The following EXOC2 variants were observed in gnomAD, a reference collection of about 807,000 sequenced individuals.
EXOC2 encodes the protein exocyst complex component 2.
Under a neutral mutation model 131.8 loss-of-function variants are expected in EXOC2, and 70 were observed. The ratio of observed to expected loss-of-function variants is 0.53; its 90% CI spans 0.44 to 0.65. EXOC2 has a LOEUF of 0.65. Ranked by LOEUF, EXOC2 falls within the 30% of genes least tolerant of loss-of-function variation. EXOC2 has a pLI of 0.00. For missense variants in EXOC2, 923 were observed against 1,108.6 expected (o/e 0.83, Z 2.38); for synonymous variants, 411 against 398.4 (o/e 1.03, Z -0.38).
intron 22 of EXOC2, among the ~76,000 whole-genome samples, chr6:547,728 C>A (rs975149160): frequency 6.6e-6 from 1 of 151,878 alleles, no homozygotes; most frequent in Admixed American, 6.6e-5. Flanking sequence ...ATATTCAAGA[C>A]GGTCGATGAA....
At chr6:608,944 G>A (rs1760574864) in intron 7 of EXOC2, among the ~76,000 whole-genome samples, 1 of 152,170 alleles carries the variant, frequency 6.6e-6, no homozygotes, top group Non-Finnish European at 1.5e-5. Flanking sequence ...AAGTGTTTGA[G>A]TTAAATTCAG....
At chr6:660,018 G>A (rs948712717) in intron 1 of EXOC2, among the ~76,000 whole-genome samples, 10 of 151,954 alleles carry the variant, frequency 6.6e-5, no homozygotes, top group Admixed American at 1.3e-4. Flanking sequence ...CGGGGGGCAC[G>A]GTGGTTGTGA....
At chr6:629,102 C>T (rs1001435124) in intron 4 of EXOC2, among the ~76,000 whole-genome samples, 2 of 152,134 alleles carry the variant, frequency 1.3e-5, no homozygotes, top group Admixed American at 6.5e-5. Context: ...GAATTTTCCC[C>T]ATTCCTAGAA....
At chr6:583,721 C>A (rs934208410) in intron 11 of EXOC2, among the ~76,000 whole-genome samples, 3 of 152,166 alleles carry the variant, frequency 2.0e-5, no homozygotes, top group Non-Finnish European at 4.4e-5. Flanking sequence ...TAAATAAAAC[C>A]CCACTAAGCA....
At chr6:511,069 A>G (rs376783199) in intron 23 of EXOC2, among the ~76,000 whole-genome samples, 49 of 152,364 alleles carry the variant, frequency 3.2e-4, no homozygotes, top group Middle Eastern at 3.4e-3. Flanking sequence ...CTATGAGAGA[A>G]GCAGGTCTGG....
intron 1 of EXOC2, among the ~76,000 whole-genome samples, chr6:644,807 A>G (rs1762506194): frequency 6.6e-6 from 1 of 152,200 alleles, no homozygotes; most frequent in African/African-American, 2.4e-5. Flanking sequence ...CTTCTACATT[A>G]AAAACTACAA....
intron 25 of EXOC2, among the ~76,000 whole-genome samples, chr6:491,991 A>G (rs369701646): frequency 2.0e-5 from 3 of 152,226 alleles, no homozygotes; most frequent in East Asian, 3.8e-4. Flanking sequence ...TCCTTTCCTT[A>G]ACACAAAAAT....
At chr6:673,316 TAA>T (rs1763963579) in intron 1 of EXOC2, among the ~76,000 whole-genome samples, 3 of 124,272 alleles carry the variant, frequency 2.4e-5, no homozygotes, top group Non-Finnish European at 3.5e-5. Context: ...AGAAAAAAGA[TAA>T]CAATACAATT....
chr6:592,134 A>G (rs1027872098), intron 11 of EXOC2, among the ~76,000 whole-genome samples: 2 of 152,156 alleles, frequency 1.3e-5, no homozygotes, highest in African/African-American at 4.8e-5. Context: ...CGATGGGTGC[A>G]GTGCCTGGCA....
intron 1 of EXOC2, among the ~76,000 whole-genome samples, chr6:682,704 T>C (rs1764467872): frequency 6.6e-6 from 1 of 152,134 alleles, no homozygotes; most frequent in Admixed American, 6.5e-5. Flanking sequence ...TATATGAAAG[T>C]TCAGAATAAG....
intron 22 of EXOC2, among the ~76,000 whole-genome samples, chr6:539,080 A>G (rs1766644049): frequency 6.6e-6 from 1 of 152,148 alleles, no homozygotes; most frequent in African/African-American, 2.4e-5. Flanking sequence ...AAGAAAAAAA[A>G]AAAAAAGAAA....
intron 1 of EXOC2, among the ~76,000 whole-genome samples, chr6:683,690 T>C (rs1463780672): frequency 6.6e-6 from 1 of 152,238 alleles, no homozygotes; most frequent in Non-Finnish European, 1.5e-5. Context: ...AAATTTTGTA[T>C]AATAGCTTTT....
chr6:635,721 T>C (rs1017773564), intron 2 of EXOC2, among the ~76,000 whole-genome samples: 3 of 152,260 alleles, frequency 2.0e-5, no homozygotes, highest in African/African-American at 7.2e-5. Flanking sequence ...AAATGGTTTC[T>C]TGGCAATATA....
At position 486,616 on chromosome 6, in the gene EXOC2, A is replaced by ACT; in HGVS notation, c.*54_*55insAG. 1 of 1,446,282 alleles carries ACT rather than the reference A, an allele frequency of 6.9e-7. No individual in the cohort carries two copies. The highest frequency in any genetic ancestry group is 1.2e-5 in the South Asian group (1 of 86,918). 89.6% of individuals were successfully genotyped at this position (1,446,282 alleles called of 1,614,324 possible). A position where few individuals can be genotyped will look rare whatever the true frequency, so the allele number is the denominator to read the frequency against. On this transcript the variant is annotated 3_prime_UTR_variant, in exon 28 of 28. Coordinates refer to ENST00000230449, the MANE Select transcript of EXOC2 (RefSeq NM_018303.6). ...CCAAATACCTTTAGGGTACTTAGAG[A>ACT]GTGAACAGTCTTATTACGTGTTATT...
chr6:564,583 G>A lies in EXOC2; in HGVS notation c.1629C>T (p.Leu543=). 6.2e-7 allele frequency: 1 copy of A among 1,614,170 alleles called. No homozygotes were observed. Among genetic ancestry groups the A allele is most frequent in the Non-Finnish European group, 8.5e-7 (1 of 1,180,042 alleles). Residue 543 remains leucine, a synonymous_variant, in exon 15 of 28, where the codon CTC becomes CTT. Coordinates refer to ENST00000230449, the MANE Select transcript of EXOC2 (RefSeq NM_018303.6). ...QYGGWEVKCE[L]SGQWLAHAIQ... is the part of the protein sequence containing the mutation. ...TGGCGTGAGCGAGCCACTGTCCGGAGAGCTCGCACTTCACCTCCCAGCCTC... is the reference window on the plus strand; with the variant it reads ...TGGCGTGAGCGAGCCACTGTCCGGAAAGCTCGCACTTCACCTCCCAGCCTC...
chr6:607,418 TA>T (rs1760479206), intron 7 of EXOC2, among the ~76,000 whole-genome samples: 1 of 151,168 alleles, frequency 6.6e-6, no homozygotes, highest in South Asian at 2.1e-4. Context: ...TTGTGAGGAC[TA>T]AATATACCTA....
rs190030756 is a variant in EXOC2 at position 618,228 on chromosome 6, G to C, written c.537-393C>G. On this transcript the variant is annotated intron_variant, in intron 5 of 27. Coordinates refer to ENST00000230449, the MANE Select transcript of EXOC2 (RefSeq NM_018303.6). Reference sequence around the variant, plus strand: ...AGTGATAGACAACATTTCAAAGATGGAACTGCTTTGTACATTCACTGAAGC... The same window carrying C: ...AGTGATAGACAACATTTCAAAGATGCAACTGCTTTGTACATTCACTGAAGC... Among the ~76,000 whole-genome samples, 4 of 152,248 alleles carry C rather than the reference G, an allele frequency of 2.6e-5. No individual in the cohort carries two copies. The East Asian group carries it at 7.7e-4, about 29-fold the overall frequency.
chr6:582,661 C>A (rs1352040006), intron 11 of EXOC2, among the ~76,000 whole-genome samples: 1 of 151,842 alleles, frequency 6.6e-6, no homozygotes, highest in Non-Finnish European at 1.5e-5. Context: ...CGTATCAAGG[C>A]AGAGTTACAA....
intron 23 of EXOC2, among the ~76,000 whole-genome samples, chr6:500,525 C>T (rs571211974): frequency 1.3e-5 from 2 of 152,288 alleles, no homozygotes; most frequent in South Asian, 4.1e-4. Flanking sequence ...AATTGTCCCA[C>T]CCTTGGGGGG....
Sources: allele counts gnomAD v4.1 joint callset (sites outside exome capture counted in the v4.1 genomes callset), GRCh38; gene constraint gnomAD v4.1.1; transcripts MANE v1.5; gene names NCBI Gene and HGNC (gene_info 2026-07-23, HGNC 2026-07-21).